SH3PXD2A: variants seen among roughly 807,000 people sequenced by gnomAD.
The protein encoded by SH3PXD2A is SH3 and PX domain-containing protein 2A.
SH3PXD2A carries 32 observed loss-of-function variants against 115.2 expected under a neutral mutation model. That is an observed-to-expected ratio of 0.28 (90% CI 0.21 to 0.37). SH3PXD2A has a LOEUF of 0.37. SH3PXD2A is among the 10% of genes least tolerant of loss of function. The pLI is 1.00. For synonymous variants in SH3PXD2A, 610 were observed against 629.1 expected, an observed-to-expected ratio of 0.97 and a Z score of 0.45; for missense variants, 1,328 against 1,498.7, an observed-to-expected ratio of 0.89 and a Z score of 1.88.
chr10:103,748,739 G>A (rs2038538314), intron 3 of SH3PXD2A, among the ~76,000 whole-genome samples: 1 of 152,142 alleles, frequency 6.6e-6, no homozygotes, highest in Non-Finnish European at 1.5e-5. Flanking sequence ...GGAGTCCAGT[G>A]GGTACGTGCA....
intron 5 of SH3PXD2A, among the ~76,000 whole-genome samples, chr10:103,705,127 G>C (rs1364972235): frequency 6.6e-6 from 1 of 152,154 alleles, no homozygotes; most frequent in African/African-American, 2.4e-5. Context: ...GGCCCTGCCT[G>C]CTCACCAGCC....
intron 5 of SH3PXD2A, among the ~76,000 whole-genome samples, chr10:103,723,634 T>C (rs1004744377): frequency 1.3e-5 from 2 of 152,194 alleles, no homozygotes; most frequent in Admixed American, 6.5e-5. Flanking sequence ...AGACTTAGGT[T>C]CAGGTTTTGT....
intron 1 of SH3PXD2A, among the ~76,000 whole-genome samples, chr10:103,829,193 G>A (rs906259582): frequency 1.3e-5 from 2 of 152,144 alleles, no homozygotes; most frequent in African/African-American, 4.8e-5. Flanking sequence ...GTGATCTGTA[G>A]GATACCACAC....
intron 13 of SH3PXD2A, among the ~76,000 whole-genome samples, chr10:103,607,372 C>T (rs940331404): frequency 3.2e-4 from 49 of 151,772 alleles, no homozygotes; most frequent in East Asian, 2.2e-3. Flanking sequence ...GGAGCGTCTC[C>T]GCCCAGCAGC....
At chr10:103,702,596 C>CGTGTGTGCGTGTGTGTGTGT (rs1554913266) in intron 5 of SH3PXD2A, among the ~76,000 whole-genome samples, 221 of 147,556 alleles carry the variant, frequency 1.5e-3, no homozygotes, top group African/African-American at 5.2e-3. Context: ...TGTGTGTGTG[C>CGTGTGTGCGTGTGTGTGTGT]GTGTGTGTGT....
chr10:103,724,892 A>G (rs901315648), intron 4 of SH3PXD2A, among the ~76,000 whole-genome samples: 1 of 152,206 alleles, frequency 6.6e-6, no homozygotes, highest in Admixed American at 6.5e-5. Flanking sequence ...TGCACACAGA[A>G]TAAGTCCAAG....
At chr10:103,810,926 AC>A (rs2039262091) in intron 1 of SH3PXD2A, among the ~76,000 whole-genome samples, 1 of 6,652 alleles carries the variant, frequency 1.5e-4, no homozygotes, top group African/African-American at 5.5e-4. Context: ...ACACGGAGAC[AC>A]ACACATGGAC....
Position 103,660,965 on chromosome 10 carries a change from A to T in SH3PXD2A, c.604+18T>A, listed in dbSNP as rs150308318. On this transcript the variant is annotated intron_variant, in intron 8 of 14. Coordinates refer to ENST00000369774, the MANE Select transcript of SH3PXD2A (RefSeq NM_001394015.1). ...CAGACCGGAACCCCAGTGGACGGCCATTGGCCAGGGCACTCACCGCTCTCG... is the reference window on the plus strand; with the variant it reads ...CAGACCGGAACCCCAGTGGACGGCCTTTGGCCAGGGCACTCACCGCTCTCG... 292 of 1,613,228 alleles carry T rather than the reference A, an allele frequency of 1.8e-4. 1 individual carries two copies. In the East Asian group the frequency reaches 5.4e-3, roughly 30 times the overall value.
intron 1 of SH3PXD2A, among the ~76,000 whole-genome samples, chr10:103,825,482 A>G (rs1376730536): frequency 6.6e-6 from 1 of 152,076 alleles, no homozygotes; most frequent in Non-Finnish European, 1.5e-5. Context: ...TTGTTTTCTT[A>G]ATTTCCTCTT....
At chr10:103,648,008 A>G (rs962229642) in intron 8 of SH3PXD2A, among the ~76,000 whole-genome samples, 2 of 152,160 alleles carry the variant, frequency 1.3e-5, no homozygotes, top group African/African-American at 2.4e-5. Context: ...GTCTGCTCCA[A>G]CGTGCTAGCC....
chr10:103,700,668 G>T (rs2037882163), intron 5 of SH3PXD2A, among the ~76,000 whole-genome samples: 1 of 152,210 alleles, frequency 6.6e-6, no homozygotes, highest in African/African-American at 2.4e-5. Flanking sequence ...TTCTTAGAGG[G>T]CAAAATGGGG....
At position 103,853,140 on chromosome 10, in the gene SH3PXD2A, G is replaced by A. The variant is rs570508046; in HGVS notation, c.72+2055C>T. Among the ~76,000 whole-genome samples the A allele has an allele frequency of 5.9e-5, 9 of 152,314 alleles. No individual in the cohort carries two copies. In the South Asian group the frequency reaches 1.9e-3, roughly 32 times the overall value. On this transcript the variant is annotated intron_variant, in intron 1 of 14. Coordinates refer to ENST00000369774, the MANE Select transcript of SH3PXD2A (RefSeq NM_001394015.1). Reference sequence around the variant, plus strand: ...CATAATGTCATCGATTCTTACTCGGGAAGCGGAGATGTCCCGGGAAACACT... The same window carrying A: ...CATAATGTCATCGATTCTTACTCGGAAAGCGGAGATGTCCCGGGAAACACT...
intron 6 of SH3PXD2A, among the ~76,000 whole-genome samples, chr10:103,675,687 T>C (rs2037522898): frequency 1.3e-5 from 2 of 152,208 alleles, no homozygotes; most frequent in African/African-American, 4.8e-5. Context: ...TTTATGAGCA[T>C]TTTCTTGTTT....
chr10:103,763,585 C>A (rs970781889), intron 3 of SH3PXD2A, among the ~76,000 whole-genome samples: 1 of 152,220 alleles, frequency 6.6e-6, no homozygotes, highest in African/African-American at 2.4e-5. Context: ...CCTTCAGACA[C>A]CCTCCCTAGA....
chr10:103,628,487 G>A lies in SH3PXD2A; in HGVS notation c.605-1285C>T, dbSNP rs149596045. On this transcript the variant is annotated intron_variant, in intron 8 of 14. Coordinates refer to ENST00000369774, the MANE Select transcript of SH3PXD2A (RefSeq NM_001394015.1). ...CTCAGTTGGGTCACTGCCCTTTTAC[G>A]GTCTCGGTGTCCTCCTATCTGGAGA... is the stretch of plus-strand genomic sequence containing the variant. Among the ~76,000 whole-genome samples the A allele has an allele frequency of 1.9e-3, 285 of 152,092 alleles. 2 individuals carry two copies. The highest frequency in any genetic ancestry group is 6.0e-3 in the African/African-American group (249 of 41,470).
intron 5 of SH3PXD2A, among the ~76,000 whole-genome samples, chr10:103,704,570 C>T (rs1011820756): frequency 2.6e-5 from 4 of 152,208 alleles, no homozygotes; most frequent in African/African-American, 9.6e-5. Flanking sequence ...AAGTCTGGAT[C>T]CCCCTCGATG....
chr10:103,845,728 C>A (rs1842841456), intron 1 of SH3PXD2A, among the ~76,000 whole-genome samples: 1 of 152,186 alleles, frequency 6.6e-6, no homozygotes, highest in South Asian at 2.1e-4. Flanking sequence ...GATCCAAGAA[C>A]CCTCTCTGGG....
At position 103,808,459 on chromosome 10, in the gene SH3PXD2A, C is replaced by T. The variant is rs573243033; in HGVS notation, c.73-7097G>A. The stretch of plus-strand genomic sequence containing the variant: ...TAGAGACAGGGTTTCACCATGTTGG[C>T]AGGCTGGTTTGTAACTCCTGGCCTC... On this transcript the variant is annotated intron_variant, in intron 1 of 14. Coordinates refer to ENST00000369774, the MANE Select transcript of SH3PXD2A (RefSeq NM_001394015.1). Among the ~76,000 whole-genome samples, 43 of 152,152 alleles carry T rather than the reference C, an allele frequency of 2.8e-4. 2 individuals carry two copies. The South Asian group carries it at 7.9e-3, about 28-fold the overall frequency.
chr10:103,832,055 C>T (rs2039487070), intron 1 of SH3PXD2A, among the ~76,000 whole-genome samples: 1 of 152,120 alleles, frequency 6.6e-6, no homozygotes, highest in African/African-American at 2.4e-5. Flanking sequence ...CACTGCCGGA[C>T]ACTGCTACAC....
Sources: allele counts gnomAD v4.1 joint callset (sites outside exome capture counted in the v4.1 genomes callset), GRCh38; gene constraint gnomAD v4.1.1; transcripts MANE v1.5; gene names NCBI Gene and HGNC (gene_info 2026-07-23, HGNC 2026-07-21).